P2RX4: variants seen among roughly 807,000 people sequenced by gnomAD.
The protein encoded by P2RX4 is purinergic receptor P2X 4.
In P2RX4, 37 loss-of-function variants were observed where a neutral mutation model predicts 48.0. The observed-to-expected ratio is 0.77, with a 90% CI of 0.59 to 1.01. P2RX4 has a LOEUF of 1.01. Ranked by LOEUF, P2RX4 falls within the 50% of genes least tolerant of loss-of-function variation. P2RX4 has a pLI of 0.00. For missense variants in P2RX4, 501 were observed against 521.4 expected (o/e 0.96, Z 0.38); for synonymous variants, 200 against 199.7 (o/e 1.00, Z -0.01).
At chr12:121,230,980 A>AGCCAT (rs1887312923) in intron 8 of P2RX4, among the ~76,000 whole-genome samples, 2 of 129,190 alleles carry the variant, frequency 1.5e-5, no homozygotes, top group Admixed American at 7.8e-5. Flanking sequence ...TTATATATAT[A>AGCCAT]TATTTTTTTT....
intron 1 of P2RX4, among the ~76,000 whole-genome samples, chr12:121,211,047 T>C (rs1012420345): frequency 2.0e-5 from 3 of 152,176 alleles, no homozygotes; most frequent in Non-Finnish European, 4.4e-5. Context: ...GTTTAAAGTT[T>C]GCTTCCTTTG....
At chr12:121,218,142 G>A (rs1318465091) in intron 2 of P2RX4, among the ~76,000 whole-genome samples, 2 of 152,182 alleles carry the variant, frequency 1.3e-5, no homozygotes, top group Non-Finnish European at 2.9e-5. Context: ...CTTCTCAAGA[G>A]AAGGGTCTTG....
chr12:121,233,310 G>GCGACATCT (rs1887492523), intron 11 of P2RX4: 1 of 641,044 alleles, frequency 1.6e-6, no homozygotes, highest in East Asian at 2.7e-5. Context: ...GTTTCAATGA[G>GCGACATCT]CGACATCTCA....
Position 121,217,268 on chromosome 12 carries a change from T to C in P2RX4, c.269T>C (p.Val90Ala). 1 of 1,614,188 alleles carries C rather than the reference T, an allele frequency of 6.2e-7. No individual in the cohort carries two copies. Among genetic ancestry groups the C allele is most frequent in the Middle Eastern group, 1.6e-4 (1 of 6,062 alleles). ...CGGATCTGGGATGTGGCGGATTATG[T>C]GATACCAGCTCAGGTGTGTCTCCCA... is the stretch of plus-strand genomic sequence containing the variant. ...GFRIWDVADY[V>A]IPAQEENSLF... Residue 90 changes from valine to alanine, a missense_variant, in exon 2 of 12, where the codon GTG (valine) becomes GCG (alanine). Val to Ala is a moderately conservative substitution (Grantham distance 64). Transcript: ENST00000337233.
intron 5 of P2RX4, among the ~76,000 whole-genome samples, chr12:121,228,105 A>G (rs147682701): frequency 5.1e-4 from 78 of 151,952 alleles, no homozygotes; most frequent in African/African-American, 1.5e-3. Context: ...AAAAATATAT[A>G]TAGGCTGGGC....
chr12:121,218,591 G>A (rs1318095422), intron 2 of P2RX4, among the ~76,000 whole-genome samples: 1 of 152,188 alleles, frequency 6.6e-6, no homozygotes, highest in Non-Finnish European at 1.5e-5. Flanking sequence ...TGCAGGCATA[G>A]CCTTGTCCCG....
chr12:121,228,990 TG>T lies in P2RX4; in HGVS notation c.778del (p.Asp260ThrfsTer77). ...AGGCATCATGGGCATCCAGGTCAAC[TG>T]GGACTGCAACCTGGACAGAGCCGCC... ...EGGIMGIQVN[W>X]DCNLDRAASL... On this transcript the variant is annotated frameshift_variant, in exon 8 of 12. Transcript: ENST00000337233. LOFTEE classifies it high-confidence loss of function. 1 of 1,614,088 alleles carries T rather than the reference TG, an allele frequency of 6.2e-7. No individual in the cohort carries two copies.
intron 1 of P2RX4, among the ~76,000 whole-genome samples, chr12:121,211,706 C>A (rs1885862960): frequency 6.6e-6 from 1 of 151,554 alleles, no homozygotes; most frequent in Admixed American, 6.6e-5. Flanking sequence ...ATGGAGTCTC[C>A]CTCTGTCGCC....
chr12:121,231,811 A>G (rs1028062061), intron 8 of P2RX4, among the ~76,000 whole-genome samples: 3 of 151,936 alleles, frequency 2.0e-5, no homozygotes, highest in African/African-American at 7.3e-5. Flanking sequence ...TGAGACCATC[A>G]TGGCCAACTT....
intron 11 of P2RX4, 67 bp downstream of exon 11, chr12:121,233,159 G>A: frequency 2.7e-6 from 3 of 1,117,606 alleles, no homozygotes; most frequent in South Asian, 1.4e-5. Flanking sequence ...CCCTGGGCGT[G>A]GGCCTGTCTG....
At chr12:121,222,388 G>GT in intron 4 of P2RX4, 1 of 541,182 alleles carries the variant, frequency 1.8e-6, no homozygotes, top group Non-Finnish European at 3.2e-6. Flanking sequence ...TGTTGTTGTT[G>GT]TTTTTTCTTG....
In P2RX4 at chr12:121,228,493, T is replaced by C. The variant is rs1413735884; in HGVS notation, c.525-40T>C. 5 of 1,246,908 alleles carry C rather than the reference T, an allele frequency of 4.0e-6. No homozygotes were observed. The African/African-American group carries it at 5.9e-5, about 15-fold the overall frequency. The allele number at this position is 1,246,908 out of a possible 1,614,324, so 77.2% of individuals were successfully genotyped here. On this transcript the variant is annotated intron_variant, in intron 5 of 11. Transcript: ENST00000337233. Reference sequence around the variant, plus strand: ...TATAACATGGTTATGTGAGTATTTGTATGTATTTTATTAACAGTAATGTTA... The same window carrying C: ...TATAACATGGTTATGTGAGTATTTGCATGTATTTTATTAACAGTAATGTTA...
intron 5 of P2RX4, among the ~76,000 whole-genome samples, chr12:121,224,574 C>T (rs957053932): frequency 1.3e-5 from 2 of 151,844 alleles, no homozygotes; most frequent in African/African-American, 4.8e-5. Context: ...TGCACTCTAG[C>T]TTGGGCGACA....
chr12:121,230,537 C>T (rs1887275666), intron 8 of P2RX4, among the ~76,000 whole-genome samples: 1 of 152,232 alleles, frequency 6.6e-6, no homozygotes, highest in Non-Finnish European at 1.5e-5. Flanking sequence ...TCCTTTTGAA[C>T]CTTCTGGCTC....
Position 121,232,340 on chromosome 12 carries a change from A to T in P2RX4, c.885-74A>T. The T allele has an allele frequency of 9.6e-7, 1 of 1,036,468 alleles. No homozygotes were observed. The highest frequency in any genetic ancestry group is 1.5e-6 in the Non-Finnish European group (1 of 660,420). 64.2% of individuals were successfully genotyped at this position (1,036,468 alleles called of 1,614,324 possible). On this transcript the variant is annotated intron_variant, in intron 8 of 11. Transcript: ENST00000337233. The surrounding 1 kb of genome is among the most constrained non-coding windows in gnomAD (Gnocchi z 4.3). ...TGGACCATTCACCTGTGCCAGCTCC[A>T]CTCTAACGTTCTCTCACAGGGCCCA...
intron 11 of P2RX4, 69 bp from the exon 12 acceptor site, chr12:121,233,454 C>T (rs1239590632): frequency 7.2e-6 from 11 of 1,518,104 alleles, no homozygotes; most frequent in South Asian, 2.4e-5. Context: ...GTCCCAGGAG[C>T]GCACCTCCCT....
intron 5 of P2RX4, among the ~76,000 whole-genome samples, chr12:121,227,950 C>T (rs1887075189): frequency 6.6e-6 from 1 of 151,624 alleles, no homozygotes; most frequent in Non-Finnish European, 1.5e-5. Context: ...ATTTCATTAG[C>T]CAGGCATGGT....
At position 121,222,744 on chromosome 12, in the gene P2RX4, G is replaced by A. The variant is rs139776032; in HGVS notation, c.428-203G>A. On this transcript the variant is annotated intron_variant, in intron 4 of 11. Coordinates refer to ENST00000337233, the MANE Select transcript of P2RX4 (RefSeq NM_002560.3). Reference sequence around the variant, plus strand: ...CCATTCTTTAGCTTGGCATCACCCTGGCTGAGATGTGGCTGGCACACAGGT... The same window carrying A: ...CCATTCTTTAGCTTGGCATCACCCTAGCTGAGATGTGGCTGGCACACAGGT... 5.0e-5 allele frequency: 76 copies of A among 1,511,024 alleles called. No homozygotes were observed. In the East Asian group the frequency reaches 1.9e-3, roughly 39 times the overall value. The allele number at this position is 1,511,024 out of a possible 1,614,324, so 93.6% of individuals were successfully genotyped here. A position where few individuals can be genotyped will look rare whatever the true frequency, so the allele number is the denominator to read the frequency against.
intron 11 of P2RX4, 24 bp from the exon 12 acceptor site, chr12:121,233,499 A>G (rs1887507506): frequency 6.2e-7 from 1 of 1,602,624 alleles, no homozygotes; most frequent in Admixed American, 1.7e-5. Context: ...GGGCACCTTG[A>G]TCTGCTTGTG....
Sources: allele counts gnomAD v4.1 joint callset (sites outside exome capture counted in the v4.1 genomes callset), GRCh38; gene constraint gnomAD v4.1.1; non-coding constraint Gnocchi (gnomAD v3.1); transcripts MANE v1.5; gene names NCBI Gene and HGNC (gene_info 2026-07-23, HGNC 2026-07-21).